MS4A5: variants seen among roughly 807,000 people sequenced by gnomAD.
MS4A5 encodes the protein membrane-spanning 4-domains subfamily A member 5.
A neutral mutation model predicts 18.2 loss-of-function variants in MS4A5; 15 were observed. The observed-to-expected ratio is 0.83, with a 90% CI of 0.55 to 1.27. The LOEUF (loss-of-function observed/expected upper bound fraction) is 1.27. Among genes scored for constraint, MS4A5 ranks in the 50% most tolerant of loss-of-function variants. The probability of loss-of-function intolerance (pLI) is 0.00; values close to 1 mark genes in which losing one functional copy is unlikely to be tolerated. For missense variants in MS4A5, 232 were observed against 225.7 expected (o/e 1.03, Z -0.18); for synonymous variants, 89 against 78.7 (o/e 1.13, Z -0.69).
chr11:60,434,646 T>C (rs998281460), intron 4 of MS4A5, among the ~76,000 whole-genome samples: 4 of 152,144 alleles, frequency 2.6e-5, no homozygotes, highest in African/African-American at 9.7e-5. Context: ...AGTCTTTTTA[T>C]TAAAAAACAA....
intron 2 of MS4A5, 147 bp downstream of exon 2, chr11:60,431,071 T>C: frequency 1.3e-6 from 1 of 792,290 alleles, no homozygotes. Context: ...TCCCCATTAG[T>C]TCATCACAGT....
intron 4 of MS4A5, among the ~76,000 whole-genome samples, chr11:60,439,891 C>A: frequency 2.2e-5 from 2 of 91,158 alleles, no homozygotes; most frequent in African/African-American, 3.8e-5. Context: ...CATCAAGCTA[C>A]CAATGACTTT....
chr11:60,440,613 G>A (rs2086106206), intron 4 of MS4A5, among the ~76,000 whole-genome samples: 1 of 150,394 alleles, frequency 6.6e-6, no homozygotes, highest in South Asian at 2.1e-4. Flanking sequence ...AAAAGTGGGT[G>A]AAGGACATGA....
intron 4 of MS4A5, among the ~76,000 whole-genome samples, chr11:60,445,846 T>A (rs1458371824): frequency 6.6e-6 from 1 of 152,186 alleles, no homozygotes; most frequent in East Asian, 1.9e-4. Flanking sequence ...CTGGCAAAAA[T>A]TAATGAGTTA....
At chr11:60,446,708 G>A (rs1228914374) in intron 4 of MS4A5, among the ~76,000 whole-genome samples, 2 of 151,262 alleles carry the variant, frequency 1.3e-5, no homozygotes, top group Non-Finnish European at 2.9e-5. Flanking sequence ...ACTCCAGCCT[G>A]GCTGATAAGA....
intron 4 of MS4A5, among the ~76,000 whole-genome samples, chr11:60,447,033 TATG>T (rs2086142168): frequency 1.3e-5 from 2 of 152,006 alleles, no homozygotes; most frequent in Non-Finnish European, 1.5e-5. Flanking sequence ...TATGCTATGC[TATG>T]CTATGCTATG....
chr11:60,431,888 T>G (rs1266183185), intron 2 of MS4A5, among the ~76,000 whole-genome samples: 1 of 152,164 alleles, frequency 6.6e-6, no homozygotes, highest in East Asian at 1.9e-4. Context: ...GCTGGAAATT[T>G]AAACATGGAA....
At chr11:60,437,963 A>G (rs1261035225) in intron 4 of MS4A5, among the ~76,000 whole-genome samples, 1 of 152,168 alleles carries the variant, frequency 6.6e-6, no homozygotes, top group East Asian at 1.9e-4. Flanking sequence ...AAATCAACAG[A>G]ATATACATTT....
chr11:60,429,845 CT>C lies in MS4A5; in HGVS notation c.153+19del. On this transcript the variant is annotated intron_variant, in intron 1 of 4. Transcript: ENST00000300190. ...TCTTAGGGGTAAGTAAGACTTGCCC[CT>C]ATGTATATTTTACTGAGGCAGGGGA... The C allele has an allele frequency of 6.2e-7, 1 of 1,607,944 alleles. No homozygotes were observed. Among genetic ancestry groups the C allele is most frequent in the Non-Finnish European group, 8.5e-7 (1 of 1,177,948 alleles).
At chr11:60,433,352 G>T (rs1034303253) in intron 3 of MS4A5, among the ~76,000 whole-genome samples, 1 of 152,140 alleles carries the variant, frequency 6.6e-6, no homozygotes, top group African/African-American at 2.4e-5. Context: ...TTTTAGCAAA[G>T]GACTGAAAAT....
intron 3 of MS4A5, 41 bp downstream of exon 3, chr11:60,432,508 C>G (rs1470996782): frequency 7.5e-7 from 1 of 1,327,990 alleles, no homozygotes; most frequent in East Asian, 2.5e-5. Flanking sequence ...TATTTTGTAG[C>G]CAGTCATGGT....
In MS4A5 at chr11:60,447,650, G is replaced by C. The variant is rs765711282; in HGVS notation, c.494G>C (p.Gly165Ala). 6.5e-7 allele frequency: 1 copy of C among 1,537,652 alleles called. No homozygotes were observed. The highest frequency in any genetic ancestry group is 8.8e-7 in the Non-Finnish European group (1 of 1,137,364). Residue 165 changes from glycine (G) to alanine (A), a missense_variant and splice_region_variant, in exon 5 of 5, where the codon GGA becomes GCA. Coordinates refer to ENST00000300190, the MANE Select transcript of MS4A5 (RefSeq NM_023945.3). ...QCKAVTVLFL[G>A]ILITLMTFSI... is the part of the protein sequence containing the mutation. ...TTTTTTCTTCTTCTTCTATTACAGG[G>C]AATTTTGATTACATTGATGACTTTC...
chr11:60,443,332 T>C (rs1458584258), intron 4 of MS4A5, among the ~76,000 whole-genome samples: 1 of 151,040 alleles, frequency 6.6e-6, no homozygotes, highest in East Asian at 1.9e-4. Flanking sequence ...ATGTCAATTT[T>C]AAAAAGGCAA....
At chr11:60,447,562 G>T in intron 4 of MS4A5, 87 bp from the exon 5 acceptor site, 1 of 686,578 alleles carries the variant, frequency 1.5e-6, no homozygotes, top group South Asian at 1.9e-5. Context: ...TTATTATCTG[G>T]GCATCACTAT....
In MS4A5 at chr11:60,442,768, T is replaced by C. The variant is rs114352225; in HGVS notation, c.493-4881T>C. On this transcript the variant is annotated intron_variant, in intron 4 of 4. Transcript: ENST00000300190. ...CTAACTGATGGAAGTGATAAGACAA[T>C]AGAATTACATCTTTAAAGTGCTCAA... 4.9e-3 allele frequency among the ~76,000 whole-genome samples: 743 copies of C among 152,318 alleles called. 7 individuals carry two copies. Among genetic ancestry groups the C allele is most frequent in the African/African-American group, 0.017 (693 of 41,568 alleles).
At chr11:60,437,548 C>T (rs900715967) in intron 4 of MS4A5, among the ~76,000 whole-genome samples, 6 of 152,074 alleles carry the variant, frequency 3.9e-5, no homozygotes, top group African/African-American at 9.7e-5. Flanking sequence ...CAGAGACACA[C>T]ATAGGCTCAA....
chr11:60,444,910 A>G (rs935298878), intron 4 of MS4A5, among the ~76,000 whole-genome samples: 1 of 152,252 alleles, frequency 6.6e-6, no homozygotes, highest in African/African-American at 2.4e-5. Flanking sequence ...CATGATATAG[A>G]CAAAAATGTT....
At chr11:60,441,291 G>A (rs113357604) in intron 4 of MS4A5, among the ~76,000 whole-genome samples, 1 of 124,014 alleles carries the variant, frequency 8.1e-6, no homozygotes, top group African/African-American at 2.8e-5. Context: ...GTGGAGGGAG[G>A]GGGGGAGGGA....
intron 4 of MS4A5, among the ~76,000 whole-genome samples, chr11:60,447,002 T>G (rs1289673068): frequency 6.6e-6 from 1 of 150,432 alleles, no homozygotes; most frequent in Non-Finnish European, 1.5e-5. Flanking sequence ...TATTTTTATA[T>G]GCCTTTCTCT....
Sources: allele counts gnomAD v4.1 joint callset (sites outside exome capture counted in the v4.1 genomes callset), GRCh38; gene constraint gnomAD v4.1.1; transcripts MANE v1.5; gene names NCBI Gene and HGNC (gene_info 2026-07-23, HGNC 2026-07-21).